DLG2: variants seen among roughly 807,000 people sequenced by gnomAD.
DLG2 encodes disks large homolog 2.
DLG2 carries 45 observed loss-of-function variants against 132.5 expected under a neutral mutation model. The observed-to-expected ratio is 0.34, with a 90% CI of 0.27 to 0.44. The LOEUF (loss-of-function observed/expected upper bound fraction) is 0.44. Among genes scored for constraint, DLG2 ranks in the 20% least tolerant of loss-of-function variants. The pLI is 1.00. For synonymous variants in DLG2, 424 were observed against 419.6 expected, an observed-to-expected ratio of 1.01 and a Z score of -0.13; for missense variants, 1,045 against 1,196.9, an observed-to-expected ratio of 0.87 and a Z score of 1.87.
chr11:84,788,394 C>T (rs541551241), intron 6 of DLG2, among the ~76,000 whole-genome samples: 118 of 152,096 alleles, frequency 7.8e-4, no homozygotes, highest in Middle Eastern at 6.8e-3. Context: ...AGTAGGTATG[C>T]GCTACTTTCA....
intron 3 of DLG2, among the ~76,000 whole-genome samples, chr11:85,582,430 T>C (rs2078587509): frequency 6.6e-6 from 1 of 151,924 alleles, no homozygotes; most frequent in Admixed American, 6.6e-5. Flanking sequence ...AAGAAATTAT[T>C]ACTGGATAGG....
intron 18 of DLG2, among the ~76,000 whole-genome samples, chr11:83,719,340 G>A (rs2087704353): frequency 6.6e-6 from 1 of 152,146 alleles, no homozygotes; most frequent in Non-Finnish European, 1.5e-5. Context: ...TGAGAGATTT[G>A]AACATACCTC....
intron 6 of DLG2, among the ~76,000 whole-genome samples, chr11:84,642,084 A>C: frequency 7.3e-6 from 1 of 137,004 alleles, no homozygotes; most frequent in East Asian, 2.1e-4. Flanking sequence ...GTGTGTGTGT[A>C]TATGTAGAGT....
chr11:85,241,399 A>G (rs752822418), intron 4 of DLG2, among the ~76,000 whole-genome samples: 11 of 151,892 alleles, frequency 7.2e-5, no homozygotes, highest in East Asian at 1.9e-4. Context: ...TTGTTTTACA[A>G]CATTGGCTAG....
intron 4 of DLG2, among the ~76,000 whole-genome samples, chr11:85,165,509 C>G (rs2078373957): frequency 6.6e-6 from 1 of 152,148 alleles, no homozygotes; most frequent in Admixed American, 6.6e-5. Context: ...AGAATGTCTC[C>G]TCTGTTTTAA....
At chr11:84,231,418 C>A (rs2097092028) in intron 8 of DLG2, among the ~76,000 whole-genome samples, 1 of 152,108 alleles carries the variant, frequency 6.6e-6, no homozygotes, top group African/African-American at 2.4e-5. Context: ...GATCCTAATT[C>A]TCAGTGATAC....
chr11:83,479,097 AC>A (rs1298007697), intron 22 of DLG2, among the ~76,000 whole-genome samples: 1 of 152,020 alleles, frequency 6.6e-6, no homozygotes, highest in Non-Finnish European at 1.5e-5. Flanking sequence ...AATCAATAAA[AC>A]TTTCATCAAT....
intron 18 of DLG2, among the ~76,000 whole-genome samples, chr11:83,694,792 G>A (rs2081591961): frequency 1.3e-5 from 2 of 152,190 alleles, no homozygotes; most frequent in Admixed American, 6.5e-5. Flanking sequence ...GTTTAACAAC[G>A]GAGCTGGAAA....
chr11:84,636,476 A>G (rs2099640632), intron 6 of DLG2, among the ~76,000 whole-genome samples: 1 of 152,206 alleles, frequency 6.6e-6, no homozygotes, highest in Non-Finnish European at 1.5e-5. Context: ...TGTGGAGAGT[A>G]AAATCTACCT....
At chr11:83,819,469 C>CAAAAAAAAAAAAAAA (rs398016925) in intron 17 of DLG2, among the ~76,000 whole-genome samples, 3 of 28,112 alleles carry the variant, frequency 1.1e-4, no homozygotes, top group Non-Finnish European at 1.2e-4. Flanking sequence ...GACTCTATCT[C>CAAAAAAAAAAAAAAA]AAAAAAAAAA....
chr11:84,490,100 C>A (rs2099160940), intron 7 of DLG2, among the ~76,000 whole-genome samples: 1 of 152,132 alleles, frequency 6.6e-6, no homozygotes, highest in Non-Finnish European at 1.5e-5. Context: ...AGCAAGAACA[C>A]AAGCTCATTC....
At chr11:84,749,667 C>T (rs1182320683) in intron 6 of DLG2, among the ~76,000 whole-genome samples, 1 of 152,102 alleles carries the variant, frequency 6.6e-6, no homozygotes, top group Non-Finnish European at 1.5e-5. Flanking sequence ...TGATGCATTT[C>T]TCAGAACCTA....
Position 84,122,584 on chromosome 11 carries a change from CAA to C in DLG2, c.625-23539_625-23538del, listed in dbSNP as rs34680496. The stretch of plus-strand genomic sequence containing the variant: ...CTTCCATGCTCCTAGGGCAAACAAA[CAA>C]AAAAAAAAGTTGTCGGGCTGTGTTT... On this transcript the variant is annotated intron_variant, in intron 9 of 27. Coordinates refer to ENST00000376104, the MANE Select transcript of DLG2 (RefSeq NM_001142699.3). Among the ~76,000 whole-genome samples, 16 of 151,522 alleles carry C rather than the reference CAA, an allele frequency of 1.1e-4. No individual in the cohort carries two copies. The East Asian group carries it at 3.1e-3, about 29-fold the overall frequency.
intron 3 of DLG2, among the ~76,000 whole-genome samples, chr11:85,485,714 C>A (rs1004749746): frequency 6.6e-6 from 1 of 152,186 alleles, no homozygotes; most frequent in Non-Finnish European, 1.5e-5. Flanking sequence ...TATGAGAGAA[C>A]CTCTTGGCCC....
At chr11:84,145,117 T>C (rs2095027207) in intron 9 of DLG2, among the ~76,000 whole-genome samples, 2 of 152,210 alleles carry the variant, frequency 1.3e-5, no homozygotes, top group Admixed American at 6.5e-5. Context: ...ATTATGGAAA[T>C]AAATCTACTT....
At chr11:83,617,112 T>C (rs531116921) in intron 19 of DLG2, among the ~76,000 whole-genome samples, 7 of 152,340 alleles carry the variant, frequency 4.6e-5, no homozygotes, top group Middle Eastern at 3.4e-3. Context: ...GTTTTGCCTA[T>C]TGTTGGTCTT....
At chr11:83,534,239 C>G (rs1484022194) in intron 20 of DLG2, among the ~76,000 whole-genome samples, 3 of 152,104 alleles carry the variant, frequency 2.0e-5, no homozygotes, top group African/African-American at 7.2e-5. Flanking sequence ...GTTGTATGTA[C>G]CTTAAGGTAA....
At chr11:84,876,906 G>A (rs899339806) in intron 6 of DLG2, among the ~76,000 whole-genome samples, 19 of 152,144 alleles carry the variant, frequency 1.2e-4, no homozygotes, top group African/African-American at 4.6e-4. Context: ...TGGTTTCAAA[G>A]AAATTATTTA....
At chr11:85,159,191 G>A (rs2077841027) in intron 4 of DLG2, among the ~76,000 whole-genome samples, 3 of 152,136 alleles carry the variant, frequency 2.0e-5, no homozygotes. Context: ...AGGTCATTGT[G>A]GTCCTCCAGT....
Sources: gnomAD v4.1 joint callset for allele counts (sites outside exome capture counted in the v4.1 genomes callset) on GRCh38, gnomAD v4.1.1 for gene constraint, MANE v1.5 for transcripts, NCBI Gene and HGNC (gene_info 2026-07-23, HGNC 2026-07-21) for gene names.